The following GOLGA7B variants were observed in gnomAD, a reference collection of about 807,000 sequenced individuals.
GOLGA7B encodes golgin subfamily A member 7B.
A neutral mutation model predicts 21.5 loss-of-function variants in GOLGA7B; 17 were observed. That is an observed-to-expected ratio of 0.79 (90% confidence interval 0.54 to 1.19). GOLGA7B has a LOEUF of 1.19. Among genes scored for constraint, GOLGA7B ranks in the 50% most tolerant of loss-of-function variants. The probability of loss-of-function intolerance (pLI) is 0.00; values close to 1 mark genes in which losing one functional copy is unlikely to be tolerated. For missense variants in GOLGA7B, 169 were observed against 224.4 expected (o/e 0.75, Z 1.58); for synonymous variants, 87 against 84.0 (o/e 1.04, Z -0.19).
chr10:97,861,660 G>C (rs1348735675), intron 2 of GOLGA7B, among the ~76,000 whole-genome samples: 1 of 152,276 alleles, frequency 6.6e-6, no homozygotes, highest in Non-Finnish European at 1.5e-5. Flanking sequence ...GGGGAAGCCA[G>C]AAGGCAGATC....
intron 1 of GOLGA7B, among the ~76,000 whole-genome samples, chr10:97,855,375 A>T (rs1230746627): frequency 6.6e-6 from 1 of 152,248 alleles, no homozygotes; most frequent in Non-Finnish European, 1.5e-5. Context: ...CTGACGTCAA[A>T]TTATACTACA....
chr10:97,857,086 C>T (rs1271709742), intron 1 of GOLGA7B, among the ~76,000 whole-genome samples: 1 of 151,956 alleles, frequency 6.6e-6, no homozygotes, highest in Non-Finnish European at 1.5e-5. Flanking sequence ...TTAATTAAGT[C>T]CCATTTGTCT....
Position 97,863,998 on chromosome 10 carries a change from TG to T in GOLGA7B, c.212del (p.Gly71AlafsTer59). ...NGFYAEAEKI[G>X]GSSYLEGCLA... ...GATTTTACGCAGAGGCTGAGAAGATTGGGGGCAGCTCCTACCTCGAGGGCTG... is the reference window on the plus strand; with the variant it reads ...GATTTTACGCAGAGGCTGAGAAGATTGGGGCAGCTCCTACCTCGAGGGCTG... On this transcript the variant is annotated frameshift_variant, in exon 3 of 5. Transcript: ENST00000370602. LOFTEE classifies it high-confidence loss of function. 6.2e-7 allele frequency: 1 copy of T among 1,614,196 alleles called. No homozygotes were observed. The highest frequency in any genetic ancestry group is 1.7e-4 in the Middle Eastern group (1 of 6,058).
intron 1 of GOLGA7B, among the ~76,000 whole-genome samples, chr10:97,856,785 C>G (rs2049937927): frequency 6.6e-6 from 1 of 152,122 alleles, no homozygotes; most frequent in Admixed American, 6.6e-5. Flanking sequence ...ATTGGTGTAG[C>G]ATGATGTCTC....
At chr10:97,850,415 G>A in intron 1 of GOLGA7B, 100 bp downstream of exon 1, 1 of 1,016,360 alleles carries the variant, frequency 9.8e-7, no homozygotes, top group Non-Finnish European at 1.4e-6. Flanking sequence ...AGTTGGGGGT[G>A]GGATGGGGTG....
intron 1 of GOLGA7B, among the ~76,000 whole-genome samples, chr10:97,853,247 C>T (rs1227026606): frequency 6.6e-6 from 1 of 152,188 alleles, no homozygotes; most frequent in African/African-American, 2.4e-5. Context: ...CTCCTTCACA[C>T]CCCAGCCAGG....
rs1428701656 is a variant in GOLGA7B at position 97,864,249 on chromosome 10, G to A, written c.373G>A (p.Val125Met). Residue 125 changes from valine to methionine, a missense_variant, in exon 4 of 5, where the codon GTG (valine) becomes ATG (methionine). By Grantham distance (21) the Val-to-Met change is conservative. Coordinates refer to ENST00000370602, the MANE Select transcript of GOLGA7B (RefSeq NM_001010917.3). ...APRGLLLTDP[V>M]ERGMRVIEIS... ...TCGAGGCCTCCTACTTACAGACCCT[G>A]TGGAGCGTGGGATGAGGGTTGTATC... The A allele has an allele frequency of 3.1e-6, 5 of 1,613,906 alleles. No individual in the cohort carries two copies. The highest frequency in any genetic ancestry group is 2.7e-5 in the African/African-American group (2 of 74,932).
intron 4 of GOLGA7B, 24 bp from the exon 5 acceptor site, chr10:97,865,566 G>A (rs972401835): frequency 2.5e-6 from 4 of 1,610,106 alleles, no homozygotes; most frequent in Non-Finnish European, 3.4e-6. Context: ...TGGGCTCGCA[G>A]CTCTCCTTAA....
intron 1 of GOLGA7B, among the ~76,000 whole-genome samples, chr10:97,851,855 G>C (rs2049907659): frequency 6.6e-6 from 1 of 152,270 alleles, no homozygotes; most frequent in Admixed American, 6.5e-5. Context: ...AGCGTTTCCA[G>C]GAGGCTGCTA....
chr10:97,869,023 G>A lies in GOLGA7B; in HGVS notation c.*3323G>A, dbSNP rs1056113606. ...AGGCTCATGGACGTTAAGTAACTGG[G>A]AAATTGCAGATCTTGGCTTTGAATC... On this transcript the variant is annotated 3_prime_UTR_variant, in exon 5 of 5. Coordinates refer to ENST00000370602, the MANE Select transcript of GOLGA7B (RefSeq NM_001010917.3). The A allele has an allele frequency of 1.3e-5, 2 of 152,236 alleles. No individual in the cohort carries two copies. Among genetic ancestry groups the A allele is most frequent in the Admixed American group, 6.5e-5 (1 of 15,288 alleles). The allele number at this position is 152,236 out of a possible 1,614,324, so 9.4% of individuals were successfully genotyped here.
rs772148450 is a variant in GOLGA7B, at chr10:97,859,480, G to A, written c.35G>A (p.Arg12Gln). The A allele has an allele frequency of 1.6e-5, 26 of 1,613,944 alleles. No individual in the cohort carries two copies. The highest frequency in any genetic ancestry group is 6.7e-5 in the Admixed American group (4 of 60,004). Residue 12 changes from arginine (R) to glutamine (Q), a missense_variant, in exon 2 of 5, where the codon CGG becomes CAG. Physicochemically the swap from Arg to Gln is conservative, Grantham distance 43. Transcript: ENST00000370602. ...CAGGTCCACAATCTGCAGGAGCTCC[G>A]GCGAAGTGCCTCACTGGCCACCAAG... ...ATEVHNLQEL[R>Q]RSASLATKVF... is the part of the protein sequence containing the mutation.
chr10:97,865,674 G>A lies in GOLGA7B; in HGVS notation c.478G>A (p.Gly160Arg). 1 of 1,608,270 alleles carries A rather than the reference G, an allele frequency of 6.2e-7. No individual in the cohort carries two copies. ...SSSGSGSSSG[G>R]GGGAGAR ...CAGCGGCAGTGGCAGCAGCAGCGGT[G>A]GGGGTGGTGGGGCGGGGGCCCGGTG... The change falls in exon 5 of 5, where the codon GGG becomes AGG. Residue 160 changes from glycine (G) to arginine (R), a missense_variant. By Grantham distance (125) the Gly-to-Arg change is moderately radical. Transcript: ENST00000370602.
intron 2 of GOLGA7B, among the ~76,000 whole-genome samples, chr10:97,862,868 G>T (rs2049979548): frequency 6.6e-6 from 1 of 151,994 alleles, no homozygotes; most frequent in Non-Finnish European, 1.5e-5. Context: ...GGGTGTTAAG[G>T]GTGTCACGGC....
At chr10:97,862,628 C>T (rs997519322) in intron 2 of GOLGA7B, among the ~76,000 whole-genome samples, 5 of 152,108 alleles carry the variant, frequency 3.3e-5, no homozygotes, top group Non-Finnish European at 7.3e-5. Flanking sequence ...AGGAACAGGA[C>T]AGGTGGATCT....
rs1163224700 is a variant in GOLGA7B, at chr10:97,864,173, CAAG to C, written c.302_304del (p.Lys101del). On this transcript the variant is annotated inframe_deletion, in exon 4 of 5. Coordinates refer to ENST00000370602, the MANE Select transcript of GOLGA7B (RefSeq NM_001010917.3). ...TCTGGCTCCTCTTTTTGCAGGTTCT[CAAG>C]AAGATTTCCCGCTACATCCAGGAGC... 1.3e-5 allele frequency: 21 copies of C among 1,614,090 alleles called. No individual in the cohort carries two copies. Among genetic ancestry groups the C allele is most frequent in the Non-Finnish European group, 1.6e-5 (19 of 1,180,026 alleles).
intron 1 of GOLGA7B, among the ~76,000 whole-genome samples, chr10:97,854,788 T>C (rs1343315942): frequency 1.3e-5 from 2 of 152,198 alleles, no homozygotes; most frequent in Non-Finnish European, 2.9e-5. Context: ...CTTAATACAA[T>C]AGAAGTTTGT....
intron 4 of GOLGA7B, among the ~76,000 whole-genome samples, chr10:97,864,727 G>A (rs536981031): frequency 2.2e-4 from 33 of 152,196 alleles, no homozygotes; most frequent in African/African-American, 7.9e-4. Flanking sequence ...AATCCTCATG[G>A]AATCTCCCGT....
Position 97,863,998 on chromosome 10 carries a change from T to C in GOLGA7B, c.207T>C (p.Ile69=). The C allele has an allele frequency of 6.2e-7, 1 of 1,614,196 alleles. No individual in the cohort carries two copies. Among genetic ancestry groups the C allele is most frequent in the East Asian group, 2.2e-5 (1 of 44,888 alleles). The change falls in exon 3 of 5, where the codon ATT becomes ATC. Residue 69 remains isoleucine (I), a synonymous_variant. Coordinates refer to ENST00000370602, the MANE Select transcript of GOLGA7B (RefSeq NM_001010917.3). ...GATTTTACGCAGAGGCTGAGAAGAT[T>C]GGGGGCAGCTCCTACCTCGAGGGCT... ...LNGFYAEAEK[I]GGSSYLEGCL... is the part of the protein sequence containing the mutation.
At position 97,850,311 on chromosome 10, in the gene GOLGA7B, C is replaced by G; in HGVS notation, c.8C>G (p.Thr3Ser). Residue 3 changes from threonine to serine, a missense_variant, in exon 1 of 5, where the codon ACC (threonine) becomes AGC (serine). Physicochemically the swap from Thr to Ser is moderately conservative, Grantham distance 58. Transcript: ENST00000370602. The part of the protein sequence containing the change: MA[T>S]EVHNLQELRR... ...TCCGAGCGCCCCCGGATCATGGCCACCGAGGTAGGGGCGAGCGCCCCACCC... is the reference window on the plus strand; with the variant it reads ...TCCGAGCGCCCCCGGATCATGGCCAGCGAGGTAGGGGCGAGCGCCCCACCC... 2.0e-6 allele frequency: 3 copies of G among 1,519,292 alleles called. No individual in the cohort carries two copies. The highest frequency in any genetic ancestry group is 2.6e-6 in the Non-Finnish European group (3 of 1,135,754). The allele number at this position is 1,519,292 out of a possible 1,614,324, so 94.1% of individuals were successfully genotyped here.
Sources: allele counts gnomAD v4.1 joint callset (sites outside exome capture counted in the v4.1 genomes callset), GRCh38; gene constraint gnomAD v4.1.1; transcripts MANE v1.5; gene names NCBI Gene and HGNC (gene_info 2026-07-23, HGNC 2026-07-21).